The following BCAR3 variants were observed in gnomAD, a reference collection of about 807,000 sequenced individuals.
The protein encoded by BCAR3 is BCAR3 adaptor protein, NSP family member.
Under a neutral mutation model 80.1 loss-of-function variants are expected in BCAR3, and 37 were observed. The observed-to-expected ratio is 0.46, with a 90% CI of 0.36 to 0.61. The LOEUF (loss-of-function observed/expected upper bound fraction) is 0.61, where lower values mean the gene tolerates loss of function less well. BCAR3 is among the 20% of genes least tolerant of loss of function. The pLI, the probability that BCAR3 is intolerant of heterozygous loss-of-function variation, is 0.00. For synonymous variants in BCAR3, 389 were observed against 418.9 expected (o/e 0.93, Z 0.87); for missense variants, 978 against 1,068.2 (o/e 0.92, Z 1.18).
At chr1:93,829,285 T>C (rs958097863) in intron 2 of BCAR3, among the ~76,000 whole-genome samples, 2 of 151,900 alleles carry the variant, frequency 1.3e-5, no homozygotes, top group Non-Finnish European at 2.9e-5. Flanking sequence ...CTCCACCTGG[T>C]GGTGGCTATA....
intron 9 of BCAR3, among the ~76,000 whole-genome samples, chr1:93,571,032 C>T (rs748239584): frequency 2.0e-5 from 3 of 151,802 alleles, no homozygotes; most frequent in Admixed American, 6.6e-5. Flanking sequence ...GGCAAAACCC[C>T]GTCTCTACTA....
chr1:93,816,134 C>A (rs1265876066), intron 2 of BCAR3, among the ~76,000 whole-genome samples: 2 of 152,142 alleles, frequency 1.3e-5, no homozygotes, highest in Admixed American at 1.3e-4. Flanking sequence ...GTCTTAATCA[C>A]CACTGTATAC....
chr1:93,677,059 T>C (rs1648519081), intron 1 of BCAR3, among the ~76,000 whole-genome samples: 1 of 152,214 alleles, frequency 6.6e-6, no homozygotes, highest in Non-Finnish European at 1.5e-5. Context: ...AACATTTAAG[T>C]GCCTATTTCA....
chr1:93,749,092 T>C (rs1651453575), intron 2 of BCAR3, among the ~76,000 whole-genome samples: 1 of 151,998 alleles, frequency 6.6e-6, no homozygotes, highest in African/African-American at 2.4e-5. Flanking sequence ...ACTATATCCT[T>C]CAACAAAACA....
At chr1:93,763,222 C>A (rs1470459181) in intron 2 of BCAR3, among the ~76,000 whole-genome samples, 1 of 152,166 alleles carries the variant, frequency 6.6e-6, no homozygotes, top group Admixed American at 6.5e-5. Flanking sequence ...CGTCACCACA[C>A]ATGGCTAATT....
chr1:93,708,175 A>C lies in BCAR3; in HGVS notation c.-62-2033T>G, dbSNP rs139582921. 3.7e-4 allele frequency among the ~76,000 whole-genome samples: 57 copies of C among 152,346 alleles called. No individual in the cohort carries two copies. In the East Asian group the frequency reaches 0.011, roughly 28 times the overall value. ...GCTCACTTATATAGAACCTGAATAG[A>C]GAAAAGAGTAAGTTGAGAACTTCTG... On this transcript the variant is annotated intron_variant, in intron 2 of 13. Coordinates refer to the BCAR3 transcript ENST00000370244.
upstream of BCAR3, among the ~76,000 whole-genome samples, chr1:93,684,372 C>G (rs1314122360): frequency 6.6e-6 from 1 of 152,118 alleles, no homozygotes; most frequent in Non-Finnish European, 1.5e-5. Flanking sequence ...AGAAGAAAAC[C>G]TTGGGCAAGC....
At chr1:93,625,194 G>C (rs913147229) in intron 3 of BCAR3, among the ~76,000 whole-genome samples, 2 of 152,204 alleles carry the variant, frequency 1.3e-5, no homozygotes, top group African/African-American at 4.8e-5. Flanking sequence ...CTGGGTGACA[G>C]AGCAAGACTC....
intron 3 of BCAR3, among the ~76,000 whole-genome samples, chr1:93,636,346 T>C (rs1268841086): frequency 6.6e-6 from 1 of 152,168 alleles, no homozygotes; most frequent in Non-Finnish European, 1.5e-5. Context: ...CAGCTCACAG[T>C]GGGTCTAACA....
chr1:93,705,024 A>G (rs1649786474), intron 3 of BCAR3, among the ~76,000 whole-genome samples: 1 of 152,220 alleles, frequency 6.6e-6, no homozygotes, highest in Non-Finnish European at 1.5e-5. Flanking sequence ...TTCTGTTTAA[A>G]GCATCTTTTC....
chr1:93,631,486 A>G (rs936728410), intron 3 of BCAR3, among the ~76,000 whole-genome samples: 6 of 152,208 alleles, frequency 3.9e-5, no homozygotes, highest in African/African-American at 9.6e-5. Context: ...GCAAAGCCCC[A>G]GAGACACTAG....
rs1277394685 is a variant in BCAR3, at chr1:93,571,745, C to A, written c.1899G>T (p.Val633=). 1 of 1,614,034 alleles carries A rather than the reference C, an allele frequency of 6.2e-7. No homozygotes were observed. Residue 633 remains valine (V), a synonymous_variant, in exon 9 of 12, where the codon GTG becomes GTT. Transcript: ENST00000260502. ...CCATGGAATCCTTCAGTTCCACCGC[C>A]ACCTGGATGATCTTACTCAGAGTGG... ...RAATLSKIIQ[V]AVELKDSMGD...
At chr1:93,787,279 G>A (rs1652981846) in intron 2 of BCAR3, among the ~76,000 whole-genome samples, 1 of 152,062 alleles carries the variant, frequency 6.6e-6, no homozygotes, top group African/African-American at 2.4e-5. Context: ...TGAGACAGAT[G>A]GTGGGTGAAA....
chr1:93,680,215 C>T (rs1291147352), intron 1 of BCAR3, among the ~76,000 whole-genome samples: 1 of 152,216 alleles, frequency 6.6e-6, no homozygotes, highest in East Asian at 1.9e-4. Context: ...CGATAAGGTT[C>T]TTAAGATTAG....
At chr1:93,584,300 C>T (rs890016455) in intron 5 of BCAR3, among the ~76,000 whole-genome samples, 179 bp from the exon 6 acceptor site, 3 of 152,140 alleles carry the variant, frequency 2.0e-5, no homozygotes, top group Admixed American at 6.5e-5. Context: ...ACTGATGGGA[C>T]GATTAATATA....
intron 9 of BCAR3, among the ~76,000 whole-genome samples, chr1:93,569,418 G>A (rs1446794018): frequency 1.3e-5 from 2 of 152,296 alleles, no homozygotes; most frequent in African/African-American, 2.4e-5. Context: ...GGCTGTGGCC[G>A]CCTTCCTCCT....
upstream of BCAR3, chr1:93,847,923 GA>G: frequency 4.0e-6 from 1 of 247,642 alleles, no homozygotes; most frequent in Non-Finnish European, 7.9e-6. Context: ...CGGCGGCGGC[GA>G]AGGAAAAGCG....
At position 93,839,539 on chromosome 1, in the gene BCAR3, G is replaced by A. The variant is rs779623556; in HGVS notation, c.-63+6028C>T. Among the ~76,000 whole-genome samples, 17 of 152,260 alleles carry A rather than the reference G, an allele frequency of 1.1e-4. 1 individual carries two copies. Among genetic ancestry groups the A allele is most frequent in the South Asian group, 6.2e-4 (3 of 4,826 alleles). ...GTATGGTCATTGCCTAACTGAGGTC[G>A]TGGGCCTGATCCTTCTGACTCAGAA... On this transcript the variant is annotated intron_variant, in intron 2 of 13. Transcript: ENST00000370244.
chr1:93,593,052 C>T (rs1674274843), intron 3 of BCAR3, among the ~76,000 whole-genome samples: 1 of 152,228 alleles, frequency 6.6e-6, no homozygotes, highest in Non-Finnish European at 1.5e-5. Context: ...CCTGGTCCTT[C>T]ACCTCAGATG....
Sources: allele counts gnomAD v4.1 joint callset (sites outside exome capture counted in the v4.1 genomes callset), GRCh38; gene constraint gnomAD v4.1.1; transcripts MANE v1.5; gene names NCBI Gene and HGNC (gene_info 2026-07-23, HGNC 2026-07-21).